The following APBB2 variants were observed in gnomAD, a reference collection of about 807,000 sequenced individuals.
APBB2 encodes the protein amyloid beta precursor protein binding family B member 2.
APBB2 carries 38 observed loss-of-function variants against 82.5 expected under a neutral mutation model. The observed-to-expected ratio is 0.46, with a 90% CI of 0.36 to 0.60. The LOEUF is 0.60. Among genes scored for constraint, APBB2 ranks in the 20% least tolerant of loss-of-function variants. The pLI, the probability that APBB2 is intolerant of heterozygous loss-of-function variation, is 0.00. For synonymous variants in APBB2, 341 were observed against 368.2 expected (o/e 0.93, Z 0.85); for missense variants, 772 against 972.3 (o/e 0.79, Z 2.74).
chr4:41,117,208 C>T (rs1369735785), intron 2 of APBB2, among the ~76,000 whole-genome samples: 2 of 151,912 alleles, frequency 1.3e-5, no homozygotes, highest in Admixed American at 1.3e-4. Flanking sequence ...TGGGTGAGGC[C>T]AGAGTCTGGA....
intron 1 of APBB2, among the ~76,000 whole-genome samples, chr4:41,207,043 A>G (rs537136969): frequency 6.6e-6 from 1 of 152,070 alleles, no homozygotes; most frequent in African/African-American, 2.4e-5. Context: ...TACTAAAAAT[A>G]CAAAAATTAG....
chr4:40,825,470 A>C (rs1165261211), intron 15 of APBB2, among the ~76,000 whole-genome samples: 1 of 152,202 alleles, frequency 6.6e-6, no homozygotes. Context: ...TGTGTGTGCC[A>C]CTACTGTGTC....
chr4:41,113,580 A>T (rs1749953121), intron 2 of APBB2, among the ~76,000 whole-genome samples: 1 of 152,180 alleles, frequency 6.6e-6, no homozygotes, highest in Non-Finnish European at 1.5e-5. Context: ...TTGTGTATTT[A>T]ATACAATACA....
intron 10 of APBB2, among the ~76,000 whole-genome samples, chr4:40,899,032 C>T (rs1774518976): frequency 6.6e-6 from 1 of 152,166 alleles, no homozygotes; most frequent in African/African-American, 2.4e-5. Context: ...TGGCTCCTTT[C>T]TTTACCCTAA....
chr4:41,044,887 A>G (rs1354326999), intron 4 of APBB2, among the ~76,000 whole-genome samples: 1 of 152,076 alleles, frequency 6.6e-6, no homozygotes, highest in Non-Finnish European at 1.5e-5. Context: ...TTTTTTCCAG[A>G]AAACTTGTCT....
chr4:41,067,533 A>G (rs1732365807), intron 3 of APBB2, among the ~76,000 whole-genome samples: 1 of 152,210 alleles, frequency 6.6e-6, no homozygotes, highest in African/African-American at 2.4e-5. Flanking sequence ...AAAAGTGATT[A>G]CAACATAGAA....
intron 1 of APBB2, among the ~76,000 whole-genome samples, chr4:41,158,392 T>C (rs1764004312): frequency 6.6e-6 from 1 of 152,230 alleles, no homozygotes; most frequent in South Asian, 2.1e-4. Flanking sequence ...AACGGAATCA[T>C]ATTTTAGACA....
chr4:40,881,217 A>G (rs1768392130), intron 12 of APBB2: 8 of 985,282 alleles, frequency 8.1e-6, no homozygotes, highest in African/African-American at 1.7e-5. Context: ...AGACAATACT[A>G]TAGTGTAGGG....
At chr4:40,861,937 T>C (rs141041674) in intron 12 of APBB2, among the ~76,000 whole-genome samples, 1 of 152,342 alleles carries the variant, frequency 6.6e-6, no homozygotes, top group Non-Finnish European at 1.5e-5. Context: ...TCTGACTTCC[T>C]AATTAGAATG....
chr4:40,988,399 G>A (rs916713834), intron 6 of APBB2, among the ~76,000 whole-genome samples: 1 of 151,932 alleles, frequency 6.6e-6, no homozygotes, highest in Non-Finnish European at 1.5e-5. Flanking sequence ...ACTTTGGGAG[G>A]TGGAGGCAGG....
chr4:40,907,361 ATATATATATATATATATATTTT>A (rs1216475054), intron 10 of APBB2, among the ~76,000 whole-genome samples: 5 of 86,936 alleles, frequency 5.8e-5, no homozygotes, highest in South Asian at 4.0e-4. Context: ...ATATATATAT[ATATATATATATATATATATTTT>A]TTTTTTTTTT....
At chr4:41,149,091 T>G (rs952846863) in intron 1 of APBB2, among the ~76,000 whole-genome samples, 1 of 152,146 alleles carries the variant, frequency 6.6e-6, no homozygotes, top group Non-Finnish European at 1.5e-5. Flanking sequence ...TACCACCATA[T>G]GAAGGGCGCT....
chr4:40,930,489 G>A (rs1210743942), intron 10 of APBB2, among the ~76,000 whole-genome samples: 1 of 148,168 alleles, frequency 6.7e-6, no homozygotes, highest in Non-Finnish European at 1.5e-5. Context: ...GTATGCGTGT[G>A]TATGTGTGTG....
At chr4:40,897,186 AC>A (rs1773903390) in intron 10 of APBB2, among the ~76,000 whole-genome samples, 2 of 151,988 alleles carry the variant, frequency 1.3e-5, no homozygotes, top group South Asian at 2.1e-4. Flanking sequence ...AAATCACCCG[AC>A]CTCACCCCAG....
intron 12 of APBB2, among the ~76,000 whole-genome samples, chr4:40,841,113 T>C (rs1755667446): frequency 6.6e-6 from 1 of 152,080 alleles, no homozygotes; most frequent in Admixed American, 6.6e-5. Flanking sequence ...CTATGCTGTC[T>C]CTCCCTCTTA....
intron 10 of APBB2, among the ~76,000 whole-genome samples, chr4:40,916,728 C>T (rs1357723364): frequency 2.6e-5 from 4 of 152,166 alleles, no homozygotes; most frequent in Non-Finnish European, 4.4e-5. Flanking sequence ...GCATGACTGA[C>T]CGACCCTGGT....
intron 2 of APBB2, among the ~76,000 whole-genome samples, chr4:41,107,908 C>T (rs1394965153): frequency 2.0e-5 from 3 of 152,150 alleles, no homozygotes; most frequent in South Asian, 2.1e-4. Flanking sequence ...TGACTGTTGA[C>T]TCATCCTGGA....
At chr4:41,156,416 G>T (rs370307799) in intron 1 of APBB2, among the ~76,000 whole-genome samples, 2 of 152,218 alleles carry the variant, frequency 1.3e-5, no homozygotes. Flanking sequence ...TACACCGGGG[G>T]TCGAGGGAAG....
At chr4:40,824,538 A>G (rs2880096) in intron 15 of APBB2, among the ~76,000 whole-genome samples, 88,094 of 151,992 alleles carry the variant, frequency 0.58, 26,190 homozygotes, top group Non-Finnish European at 0.65. Context: ...CCCAGGCTGG[A>G]GTGCAGTGGT....
Sources: allele counts gnomAD v4.1 joint callset (sites outside exome capture counted in the v4.1 genomes callset), GRCh38; gene constraint gnomAD v4.1.1; transcripts MANE v1.5; gene names NCBI Gene and HGNC (gene_info 2026-07-23, HGNC 2026-07-21).